Variants in STK3 observed in about 807,000 individuals in gnomAD.
STK3 encodes serine/threonine kinase 3.
A neutral mutation model predicts 58.0 loss-of-function variants in STK3; 41 were observed. The observed-to-expected ratio is 0.71, with a 90% confidence interval of 0.55 to 0.92. The LOEUF (loss-of-function observed/expected upper bound fraction) is 0.92, where lower values mean the gene tolerates loss of function less well. STK3 is among the 40% of genes least tolerant of loss of function. The pLI is 0.00. For synonymous variants in STK3, 170 were observed against 191.0 expected (o/e 0.89, Z 0.91); for missense variants, 479 against 602.7 (o/e 0.79, Z 2.15).
rs575160510 is a variant in STK3 at position 98,663,568 on chromosome 8, A to C, written c.684+42899T>G. Among the ~76,000 whole-genome samples the C allele has an allele frequency of 4.6e-5, 7 of 152,354 alleles. No homozygotes were observed. In the East Asian group the frequency reaches 1.2e-3, roughly 25 times the overall value. On this transcript the variant is annotated intron_variant, in intron 6 of 10. Transcript: ENST00000419617. The stretch of plus-strand genomic sequence containing the variant: ...ATCATGCTGCTATAAAGACACATGC[A>C]CACGTATGTTTACTGCAGCACTATT...
intron 3 of STK3, among the ~76,000 whole-genome samples, chr8:98,861,344 ATTTTTTTTTTTTT>A (rs772895902): frequency 1.2e-5 from 1 of 85,922 alleles, no homozygotes; most frequent in South Asian, 4.3e-4. Flanking sequence ...GTTTCTTTGG[ATTTTTTTTTTTTT>A]TTTTTTTTTT....
the STK3 span, among the ~76,000 whole-genome samples, chr8:98,352,952 C>T: frequency 6.6e-6 from 1 of 152,072 alleles, no homozygotes; most frequent in Non-Finnish European, 1.5e-5. Context: ...ATACTTTTTG[C>T]TAAGTATTTA....
At chr8:98,568,137 A>T (rs1163803841) in intron 8 of STK3, among the ~76,000 whole-genome samples, 2 of 152,162 alleles carry the variant, frequency 1.3e-5, no homozygotes, top group Non-Finnish European at 2.9e-5. Flanking sequence ...TAAAATAAAA[A>T]TTATAATTTT....
At chr8:98,457,835 C>T (rs531306230) in intron 10 of STK3, among the ~76,000 whole-genome samples, 2 of 152,088 alleles carry the variant, frequency 1.3e-5, no homozygotes, top group South Asian at 4.1e-4. Context: ...TCTTGTACTA[C>T]TTTTACTGGG....
At chr8:98,903,818 C>T (rs1423238113) in intron 1 of STK3, among the ~76,000 whole-genome samples, 4 of 152,126 alleles carry the variant, frequency 2.6e-5, no homozygotes, top group African/African-American at 7.2e-5. Context: ...TTTACTGCAG[C>T]TTTCATTCAA....
chr8:98,681,441 A>T (rs1033315720), intron 6 of STK3, among the ~76,000 whole-genome samples: 2 of 151,838 alleles, frequency 1.3e-5, no homozygotes, highest in Admixed American at 1.3e-4. Context: ...AACTGTAAAA[A>T]AAAATAAAAA....
At chr8:98,767,708 A>G (rs1246474425) in intron 2 of STK3, among the ~76,000 whole-genome samples, 2 of 152,250 alleles carry the variant, frequency 1.3e-5, no homozygotes, top group Non-Finnish European at 2.9e-5. Flanking sequence ...GATTAAAAAT[A>G]GCCAAAGCCT....
At chr8:98,907,982 A>G (rs1017178624) in intron 1 of STK3, among the ~76,000 whole-genome samples, 1 of 152,110 alleles carries the variant, frequency 6.6e-6, no homozygotes, top group Non-Finnish European at 1.5e-5. Context: ...GTCTTGTATC[A>G]TGTTCCTCTA....
At chr8:98,833,741 A>G (rs118004426) in intron 3 of STK3, among the ~76,000 whole-genome samples, 190 of 152,242 alleles carry the variant, frequency 1.2e-3, no homozygotes, top group African/African-American at 4.3e-3. Flanking sequence ...CATAACCTGA[A>G]CTAGTTTTTC....
upstream of STK3, among the ~76,000 whole-genome samples, chr8:98,827,490 A>G (rs534240880): frequency 1.7e-4 from 26 of 152,222 alleles, no homozygotes; most frequent in Non-Finnish European, 3.1e-4. Context: ...AAACTTGACT[A>G]TTAGCAGCTA....
intron 3 of STK3, among the ~76,000 whole-genome samples, chr8:98,425,292 A>G (rs1054783201): frequency 6.6e-6 from 1 of 151,814 alleles, no homozygotes; most frequent in Non-Finnish European, 1.5e-5. Flanking sequence ...AGACAAGGAT[A>G]ACCAAGATCA....
intron 10 of STK3, among the ~76,000 whole-genome samples, chr8:98,461,361 G>A (rs1401608507): frequency 6.6e-6 from 1 of 151,944 alleles, no homozygotes; most frequent in Non-Finnish European, 1.5e-5. Context: ...ACCCCTTTGA[G>A]TCTATACAAA....
chr8:98,899,316 A>G (rs1838571839), intron 1 of STK3, among the ~76,000 whole-genome samples: 1 of 152,156 alleles, frequency 6.6e-6, no homozygotes, highest in Non-Finnish European at 1.5e-5. Flanking sequence ...CTTAATATTA[A>G]TAGTAGTTAC....
chr8:98,416,322 G>A (rs1818112896), intron 3 of STK3, among the ~76,000 whole-genome samples: 1 of 148,826 alleles, frequency 6.7e-6, no homozygotes, highest in South Asian at 2.1e-4. Flanking sequence ...AAACTTCTGG[G>A]AAGTCTAAAT....
chr8:98,755,967 C>G (rs1188079298), intron 3 of STK3, among the ~76,000 whole-genome samples: 1 of 151,972 alleles, frequency 6.6e-6, no homozygotes, highest in Non-Finnish European at 1.5e-5. Flanking sequence ...TGGTGAAACC[C>G]TGTCTCTACT....
chr8:98,578,417 T>G (rs781072469), intron 8 of STK3, among the ~76,000 whole-genome samples: 7 of 152,228 alleles, frequency 4.6e-5, no homozygotes, highest in Non-Finnish European at 7.3e-5. Context: ...CACTAGGTAG[T>G]CCATGACAAC....
At chr8:98,842,321 C>A (rs1836023779) in intron 3 of STK3, among the ~76,000 whole-genome samples, 1 of 152,120 alleles carries the variant, frequency 6.6e-6, no homozygotes, top group Non-Finnish European at 1.5e-5. Flanking sequence ...TAAAAAGAGC[C>A]AATGAGGTTT....
downstream of STK3, chr8:98,881,770 T>C (rs1373303524): frequency 1.3e-5 from 2 of 152,162 alleles, no homozygotes; most frequent in Non-Finnish European, 2.9e-5. Flanking sequence ...TATGAATTAA[T>C]GAAAGAAAAG....
intron 7 of STK3, among the ~76,000 whole-genome samples, chr8:98,584,247 C>A (rs1240100351): frequency 2.0e-5 from 3 of 151,564 alleles, no homozygotes; most frequent in Non-Finnish European, 2.9e-5. Flanking sequence ...ATCCCTCCCC[C>A]TTCCCCCCAC....
Sources: allele counts gnomAD v4.1 joint callset (sites outside exome capture counted in the v4.1 genomes callset), GRCh38; gene constraint gnomAD v4.1.1; transcripts MANE v1.5; gene names NCBI Gene and HGNC (gene_info 2026-07-23, HGNC 2026-07-21).